VPS13B: variants seen among roughly 807,000 people sequenced by gnomAD.
The protein encoded by VPS13B is intermembrane lipid transfer protein VPS13B.
In VPS13B, 285 loss-of-function variants were observed where a neutral mutation model predicts 426.4. The observed-to-expected ratio is 0.67, with a 90% CI of 0.61 to 0.74. VPS13B has a LOEUF of 0.74. Ranked by LOEUF, VPS13B falls within the 30% of genes least tolerant of loss-of-function variation. VPS13B has a pLI of 0.00. For missense variants in VPS13B, 4,537 were observed against 4,782.6 expected (o/e 0.95, Z 1.51); for synonymous variants, 1,676 against 1,676.4 (o/e 1.00, Z 0.01).
intron 17 of VPS13B, among the ~76,000 whole-genome samples, chr8:99,217,922 A>G (rs1815476471): frequency 1.3e-5 from 2 of 152,216 alleles, no homozygotes; most frequent in South Asian, 2.1e-4. Flanking sequence ...GGCCCTTTGC[A>G]TAAAACATTT....
At chr8:99,337,133 A>G (rs1175941469) in intron 19 of VPS13B, among the ~76,000 whole-genome samples, 1 of 152,084 alleles carries the variant, frequency 6.6e-6, no homozygotes, top group Non-Finnish European at 1.5e-5. Flanking sequence ...ACAACGATAG[A>G]CTGGATTAAG....
chr8:99,619,903 TA>T (rs1828279099), intron 33 of VPS13B, among the ~76,000 whole-genome samples: 1 of 150,412 alleles, frequency 6.6e-6, no homozygotes, highest in African/African-American at 2.4e-5. Context: ...ATAATAATAA[TA>T]ATAATAATAA....
chr8:99,113,166 A>T (rs1471183988), intron 6 of VPS13B, among the ~76,000 whole-genome samples: 1 of 149,890 alleles, frequency 6.7e-6, no homozygotes, highest in Non-Finnish European at 1.5e-5. Context: ...TGGCACAATC[A>T]TACTTCACTG....
At chr8:99,685,553 C>G (rs775019856) in intron 35 of VPS13B, among the ~76,000 whole-genome samples, 20 of 152,176 alleles carry the variant, frequency 1.3e-4, no homozygotes, top group Non-Finnish European at 2.5e-4. Context: ...ACCACCCATT[C>G]ATTCTCATTG....
intron 17 of VPS13B, among the ~76,000 whole-genome samples, chr8:99,203,201 G>C (rs530527921): frequency 5.9e-5 from 9 of 152,246 alleles, no homozygotes; most frequent in Non-Finnish European, 8.8e-5. Flanking sequence ...TGTAAGGCTG[G>C]CTCAACATAA....
At chr8:99,024,373 C>T (rs572158671) in intron 2 of VPS13B, among the ~76,000 whole-genome samples, 1 of 152,194 alleles carries the variant, frequency 6.6e-6, no homozygotes, top group African/African-American at 2.4e-5. Context: ...AAATATTTGT[C>T]TAGACCAAAG....
At chr8:99,699,396 G>A (rs1832177567) in intron 35 of VPS13B, 129 bp from the exon 36 acceptor site, 7 of 972,048 alleles carry the variant, frequency 7.2e-6, no homozygotes, top group Non-Finnish European at 1.1e-5. Flanking sequence ...GATATATCAT[G>A]TTCAGGCATC....
Position 99,427,764 on chromosome 8 carries a change from T to C in VPS13B, c.3083-3773T>C, listed in dbSNP as rs561968586. On this transcript the variant is annotated intron_variant, in intron 21 of 61. Coordinates refer to ENST00000357162, the MANE Select transcript of VPS13B (RefSeq NM_152564.5). ...CCCCATCAAGCTACCAATGACTTTC[T>C]TCACAGAATTGGAAAAAACTACTTT... Among the ~76,000 whole-genome samples the C allele has an allele frequency of 3.3e-5, 5 of 151,856 alleles. No individual in the cohort carries two copies. In the East Asian group the frequency reaches 9.8e-4, roughly 30 times the overall value.
At chr8:99,774,085 T>C (rs925370420) in intron 40 of VPS13B, among the ~76,000 whole-genome samples, 41 of 152,178 alleles carry the variant, frequency 2.7e-4, no homozygotes, top group African/African-American at 9.9e-4. Flanking sequence ...ACTTTTATAG[T>C]ATATAATGGT....
chr8:99,448,040 G>A (rs3105198), intron 23 of VPS13B, among the ~76,000 whole-genome samples: 29,295 of 150,890 alleles, frequency 0.19, 3,328 homozygotes, highest in East Asian at 0.38. Context: ...TGTTTTTCAA[G>A]TACATCAAGA....
At chr8:99,525,224 TAGAC>T (rs538834139) in intron 30 of VPS13B, among the ~76,000 whole-genome samples, 93 of 152,158 alleles carry the variant, frequency 6.1e-4, no homozygotes, top group South Asian at 2.3e-3. Context: ...AAATAATACT[TAGAC>T]AGTACAATAA....
Position 99,246,523 on chromosome 8 carries a change from G to A in VPS13B, c.2516-27675G>A, listed in dbSNP as rs1817226148. 1.3e-5 allele frequency among the ~76,000 whole-genome samples: 2 copies of A among 152,122 alleles called. 1 individual carries two copies. Among genetic ancestry groups the A allele is most frequent in the South Asian group, 4.1e-4 (2 of 4,822 alleles). On this transcript the variant is annotated intron_variant, in intron 17 of 61. Coordinates refer to ENST00000357162, the MANE Select transcript of VPS13B (RefSeq NM_152564.5). ...AATGCAACAGAGACTGTCTTGCAAAGCCTAAAATATTTATTATTTAACCCA... is the reference window on the plus strand; with the variant it reads ...AATGCAACAGAGACTGTCTTGCAAAACCTAAAATATTTATTATTTAACCCA...
chr8:99,067,393 A>G (rs181056430), intron 3 of VPS13B, among the ~76,000 whole-genome samples: 2 of 152,294 alleles, frequency 1.3e-5, no homozygotes, highest in Admixed American at 6.5e-5. Flanking sequence ...CGTCACAAGG[A>G]TAGAAAACCA....
At chr8:99,476,145 A>G (rs868850296) in intron 24 of VPS13B, among the ~76,000 whole-genome samples, 4 of 152,226 alleles carry the variant, frequency 2.6e-5, no homozygotes, top group Middle Eastern at 3.2e-3. Context: ...CATCTTTGCA[A>G]ATTGGTATGA....
At position 99,735,857 on chromosome 8, in the gene VPS13B, C is replaced by T. The variant is rs76186812; in HGVS notation, c.7050+14810C>T. 7.7e-4 allele frequency among the ~76,000 whole-genome samples: 117 copies of T among 152,202 alleles called. 1 individual carries two copies. The East Asian group carries it at 0.02, about 27-fold the overall frequency. ...ATATTATGGACTGGGGGGTGGAAAACGCTGCGAATTTGACAACTTCCAGAT... is the reference window on the plus strand; with the variant it reads ...ATATTATGGACTGGGGGGTGGAAAATGCTGCGAATTTGACAACTTCCAGAT... On this transcript the variant is annotated intron_variant, in intron 39 of 61. Coordinates refer to ENST00000357162, the MANE Select transcript of VPS13B (RefSeq NM_152564.5).
rs541595724 is a variant in VPS13B at position 99,123,413 on chromosome 8, T to C, written c.1206+1968T>C. ...TCATGAATGAATGTGGTATGAAAGA[T>C]AAGAGGGGTGATGAGGTTTGGAGTG... On this transcript the variant is annotated intron_variant, in intron 8 of 61. Transcript: ENST00000357162. Among the ~76,000 whole-genome samples the C allele has an allele frequency of 2.6e-5, 4 of 152,210 alleles. No individual in the cohort carries two copies. The East Asian group carries it at 7.7e-4, about 29-fold the overall frequency.
At chr8:99,225,184 C>A (rs1040226114) in intron 17 of VPS13B, among the ~76,000 whole-genome samples, 1 of 152,136 alleles carries the variant, frequency 6.6e-6, no homozygotes, top group African/African-American at 2.4e-5. Flanking sequence ...TGCTGTAGCC[C>A]AGAACATCTT....
intron 19 of VPS13B, among the ~76,000 whole-genome samples, chr8:99,276,072 G>T (rs1818880526): frequency 6.6e-6 from 1 of 152,130 alleles, no homozygotes; most frequent in African/African-American, 2.4e-5. Flanking sequence ...CTTATAGAAA[G>T]TATGTTCAGC....
intron 25 of VPS13B, among the ~76,000 whole-genome samples, chr8:99,486,886 G>A (rs2133568975): frequency 6.6e-6 from 1 of 152,226 alleles, no homozygotes; most frequent in South Asian, 2.1e-4. Flanking sequence ...AAAGATGGTA[G>A]TCTGAAATTG....
Sources: allele counts gnomAD v4.1 joint callset (sites outside exome capture counted in the v4.1 genomes callset), GRCh38; gene constraint gnomAD v4.1.1; transcripts MANE v1.5; gene names NCBI Gene and HGNC (gene_info 2026-07-23, HGNC 2026-07-21).